Variants in PHTF1 observed in about 807,000 individuals in gnomAD.
PHTF1 encodes protein PHTF1.
PHTF1 carries 88 observed loss-of-function variants against 102.4 expected under a neutral mutation model. The observed-to-expected ratio is 0.86, with a 90% CI of 0.72 to 1.03. The LOEUF (loss-of-function observed/expected upper bound fraction) is 1.03, where lower values mean the gene tolerates loss of function less well. PHTF1 is among the 50% of genes least tolerant of loss of function. PHTF1 has a pLI of 0.00. For missense variants in PHTF1, 814 were observed against 909.5 expected, an observed-to-expected ratio of 0.89 and a Z score of 1.35; for synonymous variants, 289 against 305.2, an observed-to-expected ratio of 0.95 and a Z score of 0.55.
intron 5 of PHTF1, among the ~76,000 whole-genome samples, chr1:113,734,497 T>C (rs1655179236): frequency 6.6e-6 from 1 of 152,228 alleles, no homozygotes; most frequent in South Asian, 2.1e-4. Context: ...ACTGTATTTG[T>C]GGTCTAGGAT....
intron 11 of PHTF1, among the ~76,000 whole-genome samples, chr1:113,707,614 CCAT>C (rs1650408368): frequency 6.6e-6 from 1 of 152,220 alleles, no homozygotes; most frequent in African/African-American, 2.4e-5. Context: ...TCTTCTACCA[CCAT>C]GCTTAGCATA....
chr1:113,711,805 T>TA lies in PHTF1; in HGVS notation c.987dup (p.Ile330TyrfsTer7). The TA allele has an allele frequency of 6.2e-7, 1 of 1,613,986 alleles. No homozygotes were observed. Among genetic ancestry groups the TA allele is most frequent in the Non-Finnish European group, 8.5e-7 (1 of 1,179,882 alleles). On this transcript the variant is annotated frameshift_variant, in exon 10 of 19. Coordinates refer to ENST00000369604, the MANE Select transcript of PHTF1 (RefSeq NM_001323043.2). LOFTEE classifies it high-confidence loss of function. ...GCCAGACTATCTGAATCCCGCACAA[T>TA]ATGACACCACCTTGTAGTGGTTTTC... is the stretch of plus-strand genomic sequence containing the variant.
intron 3 of PHTF1, among the ~76,000 whole-genome samples, chr1:113,755,782 G>A (rs1262623999): frequency 1.3e-5 from 2 of 152,048 alleles, no homozygotes; most frequent in African/African-American, 2.4e-5. Flanking sequence ...GGCAGGGCGC[G>A]GTGGCTCATG....
intron 3 of PHTF1, among the ~76,000 whole-genome samples, chr1:113,752,385 A>ATTTTTTTTTTTTTTTTTTTTTTTTTT (rs774522219): frequency 2.1e-5 from 1 of 47,840 alleles, no homozygotes; most frequent in Non-Finnish European, 3.8e-5. Context: ...TGTTACTGTA[A>ATTTTTTTTTTTTTTTTTTTTTTTTTT]TTTTTTTTTT....
chr1:113,719,505 G>A lies in PHTF1; in HGVS notation c.623+5254C>T, dbSNP rs190158731. 5.1e-3 allele frequency among the ~76,000 whole-genome samples: 773 copies of A among 152,250 alleles called. 4 individuals are homozygous for A. Among genetic ancestry groups the A allele is most frequent in the Middle Eastern group, 0.044 (13 of 294 alleles). On this transcript the variant is annotated intron_variant, in intron 7 of 18. Transcript: ENST00000369604. ...CAAATCTCTAAGGGAGGGGCAAAATGCCACCAGTCTCTTTGCTAAAACATA... is the reference window on the plus strand; with the variant it reads ...CAAATCTCTAAGGGAGGGGCAAAATACCACCAGTCTCTTTGCTAAAACATA...
At chr1:113,742,729 T>C (rs1656600658) in intron 3 of PHTF1, among the ~76,000 whole-genome samples, 1 of 152,216 alleles carries the variant, frequency 6.6e-6, no homozygotes, top group African/African-American at 2.4e-5. Context: ...GAGTGAGTGG[T>C]AAATGAAAGT....
intron 7 of PHTF1, among the ~76,000 whole-genome samples, chr1:113,719,175 A>ATT (rs1163015475): frequency 6.6e-6 from 1 of 151,468 alleles, no homozygotes; most frequent in Non-Finnish European, 1.5e-5. Context: ...TAATTTTTGT[A>ATT]TTTTTTTAGT....
In PHTF1 at chr1:113,753,977, C is replaced by T. The variant is rs1658481001; in HGVS notation, c.102+3722G>A. Among the ~76,000 whole-genome samples, 3 of 152,214 alleles carry T rather than the reference C, an allele frequency of 2.0e-5. No homozygotes were observed. The South Asian group carries it at 6.2e-4, about 32-fold the overall frequency. ...TGAGCCACCATGCCCAGCAACTAGG[C>T]TCATTTATTTCCCTTATTATAAGTA... On this transcript the variant is annotated intron_variant, in intron 3 of 18. Coordinates refer to ENST00000369604, the MANE Select transcript of PHTF1 (RefSeq NM_001323043.2).
intron 3 of PHTF1, among the ~76,000 whole-genome samples, chr1:113,741,208 T>A (rs1489636606): frequency 6.6e-6 from 1 of 152,194 alleles, no homozygotes; most frequent in Non-Finnish European, 1.5e-5. Context: ...ACAGATGCAG[T>A]CAGTTTCTCT....
At chr1:113,701,826 TAAAAAAAAAAAAAAAAAAAAA>T (rs34844793) in intron 15 of PHTF1, among the ~76,000 whole-genome samples, 4 of 27,986 alleles carry the variant, frequency 1.4e-4, no homozygotes, top group Non-Finnish European at 2.6e-4. Flanking sequence ...CAATTCCTGG[TAAAAAAAAAAAAAAAAAAAAA>T]AAAAAAAAAA....
chr1:113,722,919 C>CAAATAAATAAATAAAT (rs34016504), intron 7 of PHTF1, among the ~76,000 whole-genome samples: 31 of 134,790 alleles, frequency 2.3e-4, no homozygotes, highest in Non-Finnish European at 3.3e-4. Context: ...GACTCCATCT[C>CAAATAAATAAATAAAT]AAATAAATAA....
At chr1:113,700,167 G>C in intron 16 of PHTF1, 2 of 962,504 alleles carry the variant, frequency 2.1e-6, no homozygotes, top group South Asian at 4.7e-5. Flanking sequence ...AACATTTATG[G>C]AACAGAAGAA....
chr1:113,747,390 G>A (rs1327388911), intron 3 of PHTF1, among the ~76,000 whole-genome samples: 6 of 151,922 alleles, frequency 3.9e-5, no homozygotes, highest in East Asian at 3.9e-4. Context: ...CAATATGCTC[G>A]AACACAACAT....
In PHTF1 at chr1:113,756,066, C is replaced by CA. The variant is rs1193713468; in HGVS notation, c.102+1632dup. Among the ~76,000 whole-genome samples, 420 of 57,600 alleles carry CA rather than the reference C, an allele frequency of 7.3e-3. 2 individuals are homozygous for CA. Among genetic ancestry groups the CA allele is most frequent in the East Asian group, 0.04 (75 of 1,868 alleles). 37.8% of individuals were successfully genotyped at this position (57,600 alleles called of 152,430 possible). ...AGGGTGACAGAGCGAGACTCTGTCTCAAAAAAAAAAAAAAAAAGGGTGAAG... is the reference window on the plus strand; with the variant it reads ...AGGGTGACAGAGCGAGACTCTGTCTCAAAAAAAAAAAAAAAAAAGGGTGAAG... On this transcript the variant is annotated intron_variant, in intron 3 of 18. Transcript: ENST00000369604.
chr1:113,698,933 G>A (rs748662851), intron 17 of PHTF1: 3 of 158,188 alleles, frequency 1.9e-5, no homozygotes, highest in Non-Finnish European at 4.1e-5. Flanking sequence ...TCTGGTATGG[G>A]TCTTTAGGCC....
At chr1:113,722,967 A>AAATAAAT (rs1557934090) in intron 7 of PHTF1, among the ~76,000 whole-genome samples, 5 of 141,810 alleles carry the variant, frequency 3.5e-5, no homozygotes, top group African/African-American at 1.4e-4. Context: ...AATAAATAAA[A>AAATAAAT]ATAAAAATTA....
At chr1:113,727,684 C>T (rs1486358866) in intron 5 of PHTF1, among the ~76,000 whole-genome samples, 1 of 152,026 alleles carries the variant, frequency 6.6e-6, no homozygotes, top group Non-Finnish European at 1.5e-5. Context: ...ATTTGGTTGG[C>T]GGCTGGGCAT....
chr1:113,737,947 GCAGAT>G (rs1655769270), intron 5 of PHTF1, among the ~76,000 whole-genome samples, 158 bp downstream of exon 5: 1 of 152,220 alleles, frequency 6.6e-6, no homozygotes, highest in Admixed American at 6.5e-5. Context: ...CTCTCTCATA[GCAGAT>G]AATTTTAATA....
chr1:113,752,530 A>AGCTGCGACTACAGGC, intron 3 of PHTF1, among the ~76,000 whole-genome samples: 1 of 149,308 alleles, frequency 6.7e-6, no homozygotes, highest in South Asian at 2.1e-4. Flanking sequence ...CCTCCCCAGT[A>AGCTGCGACTACAGGC]GCCTGCAACC....
Sources: gnomAD v4.1 joint callset for allele counts (sites outside exome capture counted in the v4.1 genomes callset) on GRCh38, gnomAD v4.1.1 for gene constraint, MANE v1.5 for transcripts, NCBI Gene and HGNC (gene_info 2026-07-23, HGNC 2026-07-21) for gene names.